The following CDK14 variants were observed in gnomAD, a reference collection of about 807,000 sequenced individuals.
CDK14 encodes the protein cyclin dependent kinase 14, also known as cyclin-dependent kinase 14.
Under a neutral mutation model 60.7 loss-of-function variants are expected in CDK14, and 34 were observed. That is an observed-to-expected ratio of 0.56 (90% CI 0.43 to 0.75). The LOEUF is 0.75. Ranked by LOEUF, CDK14 falls within the 30% of genes least tolerant of loss-of-function variation. The probability of loss-of-function intolerance (pLI) is 0.00; values close to 1 mark genes in which losing one functional copy is unlikely to be tolerated. For synonymous variants in CDK14, 197 were observed against 203.7 expected (o/e 0.97, Z 0.28); for missense variants, 482 against 564.1 (o/e 0.85, Z 1.47).
At chr7:90,729,520 G>A (rs909501262) in intron 3 of CDK14, among the ~76,000 whole-genome samples, 2 of 151,368 alleles carry the variant, frequency 1.3e-5, no homozygotes, top group Non-Finnish European at 2.9e-5. Flanking sequence ...GAATTGGTAA[G>A]GGGGAGAGAT....
At chr7:90,944,651 G>C (rs1794044437) in intron 8 of CDK14, among the ~76,000 whole-genome samples, 1 of 152,214 alleles carries the variant, frequency 6.6e-6, no homozygotes, top group Non-Finnish European at 1.5e-5. Flanking sequence ...AGGACCTCTT[G>C]AGCCCAGGAG....
chr7:91,022,318 TA>T (rs1229059087), intron 10 of CDK14, among the ~76,000 whole-genome samples: 3 of 152,218 alleles, frequency 2.0e-5, no homozygotes, highest in African/African-American at 7.2e-5. Flanking sequence ...CTACTGACAA[TA>T]GTTTCTCACT....
At chr7:90,738,243 A>G (rs1803200485) in intron 3 of CDK14, among the ~76,000 whole-genome samples, 1 of 152,298 alleles carries the variant, frequency 6.6e-6, no homozygotes, top group African/African-American at 2.4e-5. Context: ...TTTCCAGTCT[A>G]TAAATTATTC....
intron 11 of CDK14, among the ~76,000 whole-genome samples, chr7:91,055,421 C>A (rs1797518860): frequency 6.6e-6 from 1 of 152,098 alleles, no homozygotes; most frequent in African/African-American, 2.4e-5. Context: ...CATTTATTTT[C>A]ACTAGAGGGC....
At chr7:91,164,582 G>A (rs998303277) in intron 14 of CDK14, among the ~76,000 whole-genome samples, 4 of 152,120 alleles carry the variant, frequency 2.6e-5, no homozygotes, top group African/African-American at 9.7e-5. Flanking sequence ...TGATTTCCTA[G>A]ACAAATGCAG....
chr7:90,793,063 T>C (rs570253847), intron 5 of CDK14, among the ~76,000 whole-genome samples: 1 of 152,304 alleles, frequency 6.6e-6, no homozygotes, highest in Admixed American at 6.5e-5. Context: ...ATTTCCATTA[T>C]AATTCTTATT....
rs1162001302 is a variant in CDK14, at chr7:90,773,613, C to T, written c.465-16960C>T. On this transcript the variant is annotated intron_variant, in intron 4 of 14. Coordinates refer to ENST00000380050, the MANE Select transcript of CDK14 (RefSeq NM_001287135.2). ...CCTTGAACTCTTGGACTCAAGTGATCCTCCTGCCTCAGCTTCCCAACTAGC... is the reference window on the plus strand; with the variant it reads ...CCTTGAACTCTTGGACTCAAGTGATTCTCCTGCCTCAGCTTCCCAACTAGC... Among the ~76,000 whole-genome samples, 6 of 152,166 alleles carry T rather than the reference C, an allele frequency of 3.9e-5. No individual in the cohort carries two copies. The East Asian group carries it at 1.2e-3, about 29-fold the overall frequency.
chr7:91,085,302 G>A (rs1798605063), intron 12 of CDK14, among the ~76,000 whole-genome samples: 2 of 152,028 alleles, frequency 1.3e-5, no homozygotes, highest in Admixed American at 6.6e-5. Flanking sequence ...TTCCTTGGGG[G>A]GTATGGCTGA....
chr7:90,811,341 A>G (rs1789101107), intron 5 of CDK14, among the ~76,000 whole-genome samples: 1 of 152,078 alleles, frequency 6.6e-6, no homozygotes, highest in Admixed American at 6.5e-5. Context: ...ATCTTTGACA[A>G]ACCTGAGAAA....
chr7:91,027,473 C>T (rs1432110845), intron 10 of CDK14, among the ~76,000 whole-genome samples: 1 of 152,154 alleles, frequency 6.6e-6, no homozygotes, highest in Non-Finnish European at 1.5e-5. Flanking sequence ...TCATTTTCAA[C>T]TCTATGTAAT....
intron 10 of CDK14, among the ~76,000 whole-genome samples, chr7:91,002,843 C>T (rs1021741288): frequency 5.3e-5 from 8 of 152,096 alleles, no homozygotes; most frequent in Admixed American, 2.6e-4. Context: ...GAGGCCGAGA[C>T]GGGTGGATCA....
At chr7:90,659,107 G>A (rs1188958557) in intron 2 of CDK14, among the ~76,000 whole-genome samples, 1 of 152,206 alleles carries the variant, frequency 6.6e-6, no homozygotes, top group East Asian at 1.9e-4. Context: ...AAGAATGCAT[G>A]ACAGTCTTTC....
chr7:90,989,940 A>G (rs997857593), intron 10 of CDK14, among the ~76,000 whole-genome samples: 2 of 152,214 alleles, frequency 1.3e-5, no homozygotes, highest in Admixed American at 6.5e-5. Flanking sequence ...TAAAGAAAGT[A>G]TAAGATTTTG....
intron 13 of CDK14, among the ~76,000 whole-genome samples, chr7:91,114,967 GT>G (rs1391868611): frequency 6.6e-6 from 1 of 152,136 alleles, no homozygotes; most frequent in African/African-American, 2.4e-5. Context: ...ATATTTAGAA[GT>G]TTTTTAAATT....
intron 11 of CDK14, among the ~76,000 whole-genome samples, chr7:91,072,932 A>G (rs909046505): frequency 2.6e-5 from 4 of 152,076 alleles, no homozygotes; most frequent in African/African-American, 4.8e-5. Context: ...TTGGAAGGCC[A>G]TCTTGCTGAA....
chr7:90,780,919 G>T (rs1805289819), intron 4 of CDK14, among the ~76,000 whole-genome samples: 1 of 151,998 alleles, frequency 6.6e-6, no homozygotes, highest in African/African-American at 2.4e-5. Context: ...TATATACCCA[G>T]TAATGGGATG....
chr7:90,735,390 T>A (rs1330156690), intron 3 of CDK14, among the ~76,000 whole-genome samples: 1 of 152,194 alleles, frequency 6.6e-6, no homozygotes, highest in African/African-American at 2.4e-5. Context: ...GATGTTTAAG[T>A]TCTGCTGAAG....
At position 90,763,405 on chromosome 7, in the gene CDK14, C is replaced by T. The variant is rs149746061; in HGVS notation, c.464+15630C>T. 2.7e-3 allele frequency among the ~76,000 whole-genome samples: 405 copies of T among 152,230 alleles called. 5 individuals carry two copies. The highest frequency in any genetic ancestry group is 9.2e-3 in the African/African-American group (384 of 41,528). On this transcript the variant is annotated intron_variant, in intron 4 of 14. Coordinates refer to ENST00000380050, the MANE Select transcript of CDK14 (RefSeq NM_001287135.2). ...AGTGTTCAAAGAGACCAGATCCAAG[C>T]GTAGGGGCCATAGACCACACCTCTC...
intron 8 of CDK14, among the ~76,000 whole-genome samples, chr7:90,926,324 C>CT (rs143261410): frequency 0.094 from 14,361 of 152,028 alleles, 808 homozygotes; most frequent in East Asian, 0.18. Context: ...CTTGAGGAAA[C>CT]TTTAAGAAAT....
Sources: gnomAD v4.1 joint callset for allele counts (sites outside exome capture counted in the v4.1 genomes callset) on GRCh38, gnomAD v4.1.1 for gene constraint, MANE v1.5 for transcripts, NCBI Gene and HGNC (gene_info 2026-07-23, HGNC 2026-07-21) for gene names.